Variants in NIBAN2 observed in about 807,000 individuals in gnomAD.
NIBAN2 encodes the protein protein Niban 2.
In NIBAN2, 36 loss-of-function variants were observed where a neutral mutation model predicts 81.8. That is an observed-to-expected ratio of 0.44 (90% CI 0.34 to 0.58). NIBAN2 has a LOEUF of 0.58. Among genes scored for constraint, NIBAN2 ranks in the 20% least tolerant of loss-of-function variants. NIBAN2 has a pLI of 0.02. For missense variants in NIBAN2, 897 were observed against 1,014.1 expected (o/e 0.88, Z 1.57); for synonymous variants, 445 against 441.6 (o/e 1.01, Z -0.10).
intron 1 of NIBAN2, among the ~76,000 whole-genome samples, chr9:127,578,009 T>C (rs1838028944): frequency 6.6e-6 from 1 of 151,604 alleles, no homozygotes; most frequent in South Asian, 2.1e-4. Flanking sequence ...GCCAACACAG[T>C]GAAACCCTGT....
At chr9:127,549,879 G>T (rs911957720) in intron 1 of NIBAN2, among the ~76,000 whole-genome samples, 2 of 152,102 alleles carry the variant, frequency 1.3e-5, no homozygotes, top group Non-Finnish European at 2.9e-5. Context: ...GCTCCAGAGG[G>T]GGCCAGAAGG....
chr9:127,547,400 C>T (rs1437360888), intron 1 of NIBAN2, among the ~76,000 whole-genome samples: 2 of 152,070 alleles, frequency 1.3e-5, no homozygotes, highest in African/African-American at 4.8e-5. Flanking sequence ...GCCTATAATC[C>T]CAACTGCTCG....
intron 1 of NIBAN2, among the ~76,000 whole-genome samples, chr9:127,542,536 C>T (rs968356586): frequency 9.2e-5 from 14 of 152,250 alleles, no homozygotes; most frequent in Admixed American, 7.8e-4. Context: ...CCACACACCC[C>T]GGAGATTCCT....
In NIBAN2 at chr9:127,559,393, G is replaced by A. The variant is rs1837731627; in HGVS notation, c.55+9427C>T. Among the ~76,000 whole-genome samples, 1 of 152,232 alleles carries A rather than the reference G, an allele frequency of 6.6e-6. No homozygotes were observed. The highest frequency in any genetic ancestry group is 2.4e-5 in the African/African-American group (1 of 41,462). On this transcript the variant is annotated intron_variant, in intron 1 of 13. Transcript: ENST00000373312. This position sits in a 1 kb window ranked among gnomAD's most constrained non-coding sequence, Gnocchi z 4.0. ...CATGCCCGTTGCACAGATAGGCAAAGTGAGGAGGAGGCACAGAGAAAAGGA... is the reference window on the plus strand; with the variant it reads ...CATGCCCGTTGCACAGATAGGCAAAATGAGGAGGAGGCACAGAGAAAAGGA...
At position 127,513,400 on chromosome 9, in the gene NIBAN2, G is replaced by A. The variant is rs10429536; in HGVS notation, c.974-3067C>T. On this transcript the variant is annotated intron_variant, in intron 8 of 13. Transcript: ENST00000373312. ...CAACTGTATCTTAAATAGGAGCTGG[G>A]TAAAATGAGGCTGAGACCTACTGGG... 1.5e-3 allele frequency among the ~76,000 whole-genome samples: 231 copies of A among 152,288 alleles called. 1 individual carries two copies. The highest frequency in any genetic ancestry group is 5.5e-3 in the African/African-American group (227 of 41,552).
intron 1 of NIBAN2, among the ~76,000 whole-genome samples, chr9:127,533,238 C>G (rs1029377869): frequency 1.3e-5 from 2 of 151,912 alleles, no homozygotes; most frequent in African/African-American, 2.4e-5. Context: ...GGGCAGATCA[C>G]AAGGTCAGGA....
At chr9:127,549,438 G>T (rs12686048) in intron 1 of NIBAN2, among the ~76,000 whole-genome samples, 2 of 151,966 alleles carry the variant, frequency 1.3e-5, no homozygotes, top group African/African-American at 4.8e-5. Context: ...CACATGTGCA[G>T]GCACACACAC....
At chr9:127,532,141 G>T (rs1389944516) in intron 1 of NIBAN2, among the ~76,000 whole-genome samples, 1 of 152,220 alleles carries the variant, frequency 6.6e-6, no homozygotes, top group African/African-American at 2.4e-5. Flanking sequence ...CCATTTCGGA[G>T]GGTGGGTGTC....
At chr9:127,541,085 C>G (rs756963069) in intron 1 of NIBAN2, among the ~76,000 whole-genome samples, 1 of 152,154 alleles carries the variant, frequency 6.6e-6, no homozygotes, top group Non-Finnish European at 1.5e-5. Context: ...GAGGCAGAGT[C>G]GGGGCAGGGA....
chr9:127,515,278 T>C (rs952459501), intron 8 of NIBAN2, among the ~76,000 whole-genome samples: 1 of 151,908 alleles, frequency 6.6e-6, no homozygotes, highest in Non-Finnish European at 1.5e-5. Context: ...CCCAGCATTT[T>C]GGGATGCCGA....
chr9:127,565,221 C>G (rs1377698291), intron 1 of NIBAN2, among the ~76,000 whole-genome samples: 1 of 152,024 alleles, frequency 6.6e-6, no homozygotes, highest in Non-Finnish European at 1.5e-5. Flanking sequence ...CTCAGCCTCC[C>G]AAAGTGCTGA....
chr9:127,519,477 A>G (rs1189989717), intron 5 of NIBAN2, among the ~76,000 whole-genome samples: 1 of 152,212 alleles, frequency 6.6e-6, no homozygotes, highest in African/African-American at 2.4e-5. Context: ...GGGGAAACGG[A>G]AGCCTGTGCA....
chr9:127,569,348 G>A (rs549464695), upstream of NIBAN2, among the ~76,000 whole-genome samples: 5 of 151,902 alleles, frequency 3.3e-5, no homozygotes, highest in African/African-American at 1.2e-4. Flanking sequence ...AGGAGACAAA[G>A]AGAAGGTCCC....
At position 127,531,716 on chromosome 9, in the gene NIBAN2, G is replaced by C. The variant is rs1837186746; in HGVS notation, c.118C>G (p.Leu40Val). The C allele has an allele frequency of 2.5e-6, 4 of 1,614,206 alleles. No homozygotes were observed. Among genetic ancestry groups the C allele is most frequent in the South Asian group, 1.1e-5 (1 of 91,082 alleles). Residue 40 changes from leucine (L) to valine (V), a missense_variant, in exon 2 of 14, where the codon CTC becomes GTC. Leu to Val is a conservative substitution (Grantham distance 32). This residue lies in a region of NIBAN2 where 209 missense variants were observed against 208.4 expected (regional missense o/e 1.00). Transcript: ENST00000373312. The stretch of plus-strand genomic sequence containing the variant: ...ATCTCATGGCGCATGCTGTTGAAGA[G>C]AGCCACGCCATACTGGTCTTCATAG... ...QFYEDQYGVA[L>V]FNSMRHEIEG...
chr9:127,527,095 G>T, intron 3 of NIBAN2, 99 bp downstream of exon 3: 1 of 1,477,596 alleles, frequency 6.8e-7, no homozygotes, highest in Non-Finnish European at 9.3e-7. Context: ...CGTGCAGGCT[G>T]TGACGGTGGC....
chr9:127,570,048 GGCTGCTGGT>G (rs1293506761), upstream of NIBAN2, among the ~76,000 whole-genome samples: 1 of 152,122 alleles, frequency 6.6e-6, no homozygotes, highest in Non-Finnish European at 1.5e-5. Context: ...TCAATCCTTT[GGCTGCTGGT>G]GCTCAGATCT....
At chr9:127,577,187 A>C (rs1838020527) in intron 1 of NIBAN2, among the ~76,000 whole-genome samples, 1 of 151,870 alleles carries the variant, frequency 6.6e-6, no homozygotes, top group African/African-American at 2.4e-5. Flanking sequence ...GCACGTCTGT[A>C]ATCCCAGCTA....
intron 1 of NIBAN2, among the ~76,000 whole-genome samples, chr9:127,551,707 C>T (rs556034008): frequency 1.3e-5 from 2 of 151,592 alleles, no homozygotes; most frequent in Non-Finnish European, 2.9e-5. Flanking sequence ...AAGAGCAAAA[C>T]TCCATCTTAA....
At chr9:127,542,689 G>A (rs1312511169) in intron 1 of NIBAN2, among the ~76,000 whole-genome samples, 1 of 152,196 alleles carries the variant, frequency 6.6e-6, no homozygotes, top group East Asian at 1.9e-4. Flanking sequence ...CCCTGAAGGG[G>A]CCCTTGGCTG....
Sources: allele counts gnomAD v4.1 joint callset (sites outside exome capture counted in the v4.1 genomes callset), GRCh38; gene constraint gnomAD v4.1.1; regional missense constraint gnomAD v4.1.1; non-coding constraint Gnocchi (gnomAD v3.1); transcripts MANE v1.5; gene names NCBI Gene and HGNC (gene_info 2026-07-23, HGNC 2026-07-21).